RBMS3: variants seen among roughly 807,000 people sequenced by gnomAD.
The protein encoded by RBMS3 is RNA binding motif single stranded interacting protein 3, also known as RNA-binding motif, single-stranded-interacting protein 3.
In RBMS3, 27 loss-of-function variants were observed where a neutral mutation model predicts 66.8. The ratio of observed to expected loss-of-function variants is 0.40; its 90% CI spans 0.30 to 0.56. RBMS3 has a LOEUF of 0.56. Among genes scored for constraint, RBMS3 ranks in the 20% least tolerant of loss-of-function variants. The probability of loss-of-function intolerance (pLI) is 0.40; values close to 1 mark genes in which losing one functional copy is unlikely to be tolerated. For missense variants in RBMS3, 513 were observed against 549.5 expected (o/e 0.93, Z 0.66); for synonymous variants, 188 against 183.0 (o/e 1.03, Z -0.22).
At chr3:29,928,259 T>A (rs754879865) in intron 10 of RBMS3, among the ~76,000 whole-genome samples, 19 of 147,940 alleles carry the variant, frequency 1.3e-4, no homozygotes, top group Non-Finnish European at 2.4e-4. Flanking sequence ...TATGCATACA[T>A]ATACATATTG....
intron 11 of RBMS3, among the ~76,000 whole-genome samples, chr3:29,941,597 G>T (rs926767495): frequency 1.3e-5 from 2 of 151,716 alleles, no homozygotes; most frequent in Non-Finnish European, 2.9e-5. Flanking sequence ...AAATGAGCTG[G>T]CATTAAGTGT....
intron 4 of RBMS3, among the ~76,000 whole-genome samples, chr3:29,604,362 C>A (rs1211111696): frequency 6.6e-6 from 1 of 151,888 alleles, no homozygotes; most frequent in Non-Finnish European, 1.5e-5. Flanking sequence ...TATTGTACCT[C>A]CTTTCTTTTA....
At chr3:29,962,566 A>G (rs1257378844) in intron 12 of RBMS3, among the ~76,000 whole-genome samples, 1 of 150,782 alleles carries the variant, frequency 6.6e-6, no homozygotes, top group Non-Finnish European at 1.5e-5. Context: ...ATATATATAT[A>G]TAATACCATA....
intron 11 of RBMS3, among the ~76,000 whole-genome samples, chr3:29,938,312 A>G (rs1577200470): frequency 6.6e-6 from 1 of 152,006 alleles, no homozygotes; most frequent in Non-Finnish European, 1.5e-5. Context: ...GTAATAATAT[A>G]TAACATTCTC....
At chr3:29,375,663 A>C (rs946514835) in intron 1 of RBMS3, among the ~76,000 whole-genome samples, 6 of 152,266 alleles carry the variant, frequency 3.9e-5, no homozygotes, top group African/African-American at 1.4e-4. Context: ...ACCATCTCAC[A>C]GCAACCAGAA....
chr3:29,975,171 T>C (rs926145823), intron 12 of RBMS3, among the ~76,000 whole-genome samples: 3 of 148,518 alleles, frequency 2.0e-5, no homozygotes, highest in Non-Finnish European at 4.5e-5. Context: ...TTATATACTT[T>C]ACTGTAGATG....
At chr3:29,441,100 C>T (rs1463668259) in intron 2 of RBMS3, among the ~76,000 whole-genome samples, 2 of 152,108 alleles carry the variant, frequency 1.3e-5, no homozygotes, top group African/African-American at 4.8e-5. Context: ...TACGCAGCTG[C>T]TTTTGAGATG....
intron 6 of RBMS3, among the ~76,000 whole-genome samples, chr3:29,824,562 G>T (rs1393018785): frequency 6.6e-6 from 1 of 152,038 alleles, no homozygotes; most frequent in Non-Finnish European, 1.5e-5. Flanking sequence ...ATAAAATCCA[G>T]ATCCTAATCA....
chr3:29,551,942 T>G (rs2149032997), intron 3 of RBMS3, among the ~76,000 whole-genome samples: 1 of 152,260 alleles, frequency 6.6e-6, no homozygotes, highest in South Asian at 2.1e-4. Flanking sequence ...AACCTAATGT[T>G]AGTTTGTCTT....
intron 12 of RBMS3, among the ~76,000 whole-genome samples, chr3:29,974,809 AT>A (rs1218850055): frequency 1.6e-4 from 22 of 137,312 alleles, no homozygotes; most frequent in Middle Eastern, 4.5e-3. Flanking sequence ...ACGTTTATAT[AT>A]TTTATATATA....
intron 14 of RBMS3, among the ~76,000 whole-genome samples, chr3:29,996,139 T>A (rs1461164575): frequency 6.7e-6 from 1 of 149,004 alleles, no homozygotes; most frequent in African/African-American, 2.5e-5. Flanking sequence ...TAAAACAGAC[T>A]TTAAACCAAC....
chr3:29,376,414 C>G (rs2038469739), intron 1 of RBMS3, among the ~76,000 whole-genome samples: 1 of 152,098 alleles, frequency 6.6e-6, no homozygotes, highest in African/African-American at 2.4e-5. Context: ...TGCCCTTACC[C>G]CTATCCATAT....
intron 1 of RBMS3, among the ~76,000 whole-genome samples, chr3:29,375,057 A>T (rs1273691149): frequency 6.6e-6 from 1 of 152,232 alleles, no homozygotes; most frequent in East Asian, 1.9e-4. Flanking sequence ...CTGAGTCTGC[A>T]CACCTACAAC....
At chr3:29,829,872 C>CTGTA in intron 6 of RBMS3, among the ~76,000 whole-genome samples, 1 of 152,102 alleles carries the variant, frequency 6.6e-6, no homozygotes, top group Non-Finnish European at 1.5e-5. Flanking sequence ...GCATTGCAGT[C>CTGTA]CCATTTCTCA....
chr3:29,465,400 ATAAT>A (rs1396656454), intron 2 of RBMS3, among the ~76,000 whole-genome samples: 4 of 147,120 alleles, frequency 2.7e-5, no homozygotes, highest in African/African-American at 7.5e-5. Context: ...TAGCACTTAA[ATAAT>A]TAATAATAAA....
At chr3:29,938,073 A>T (rs1376306663) in intron 11 of RBMS3, among the ~76,000 whole-genome samples, 2 of 151,950 alleles carry the variant, frequency 1.3e-5, no homozygotes, top group Admixed American at 6.6e-5. Flanking sequence ...CTGACTTGCT[A>T]AAATTTAAGT....
chr3:29,285,277 T>TG (rs1160130222), intron 1 of RBMS3, among the ~76,000 whole-genome samples: 1 of 91,172 alleles, frequency 1.1e-5, no homozygotes, highest in Non-Finnish European at 2.3e-5. Context: ...TGGGGGTGGA[T>TG]GGGGGGTTCT....
At chr3:29,500,816 T>C (rs1483378690) in intron 3 of RBMS3, among the ~76,000 whole-genome samples, 1 of 151,538 alleles carries the variant, frequency 6.6e-6, no homozygotes, top group Non-Finnish European at 1.5e-5. Flanking sequence ...CTGTATATAA[T>C]TACATGTGTA....
chr3:29,709,630 A>G (rs574973458), intron 4 of RBMS3, among the ~76,000 whole-genome samples: 1 of 152,312 alleles, frequency 6.6e-6, no homozygotes, highest in African/African-American at 2.4e-5. Context: ...TCAATTATCT[A>G]CAATGGAGGG....
Sources: allele counts gnomAD v4.1 joint callset (sites outside exome capture counted in the v4.1 genomes callset), GRCh38; gene constraint gnomAD v4.1.1; transcripts MANE v1.5; gene names NCBI Gene and HGNC (gene_info 2026-07-23, HGNC 2026-07-21).